The following BICDL1 variants were observed in gnomAD, a reference collection of about 807,000 sequenced individuals.
BICDL1 encodes the protein BICD family-like cargo adapter 1.
Under a neutral mutation model 76.8 loss-of-function variants are expected in BICDL1, and 20 were observed. That is an observed-to-expected ratio of 0.26 (90% CI 0.18 to 0.38). The LOEUF (loss-of-function observed/expected upper bound fraction) is 0.38. BICDL1 is among the 10% of genes least tolerant of loss of function. BICDL1 has a pLI of 1.00. For synonymous variants in BICDL1, 383 were observed against 337.1 expected (o/e 1.14, Z -1.49); for missense variants, 700 against 798.6 (o/e 0.88, Z 1.49).
At chr12:120,082,915 C>CT (rs1441357529) in intron 8 of BICDL1, among the ~76,000 whole-genome samples, 1 of 152,028 alleles carries the variant, frequency 6.6e-6, no homozygotes, top group Non-Finnish European at 1.5e-5. Flanking sequence ...AATTCTCACT[C>CT]TGTCACCCAT....
rs117785561 is a variant in BICDL1, at chr12:120,021,010, G to A, written c.645+22274G>A. ...TTTTACAAAAAAAAACACTGGTCTC[G>A]TGGTGTCTACACCTGTAATCCCAAC... On this transcript the variant is annotated intron_variant, in intron 2 of 9. Coordinates refer to ENST00000548673, the MANE Select transcript of BICDL1 (RefSeq NM_001367886.1). Among the ~76,000 whole-genome samples, 3 of 152,252 alleles carry A rather than the reference G, an allele frequency of 2.0e-5. No individual in the cohort carries two copies. In the East Asian group the frequency reaches 5.8e-4, roughly 29 times the overall value.
intron 3 of BICDL1, among the ~76,000 whole-genome samples, chr12:120,062,859 C>A (rs1416512285): frequency 2.0e-5 from 3 of 152,216 alleles, no homozygotes; most frequent in East Asian, 3.9e-4. Context: ...GCCTCTGACT[C>A]CTTCACGTTT....
chr12:120,019,329 ATTTC>A (rs1952133088), intron 2 of BICDL1: 1 of 151,924 alleles, frequency 6.6e-6, no homozygotes, highest in African/African-American at 2.4e-5. Flanking sequence ...ATTTATTTAT[ATTTC>A]TTTTTATCCT....
At chr12:120,039,211 C>T (rs1028308122) in intron 2 of BICDL1, among the ~76,000 whole-genome samples, 4 of 151,898 alleles carry the variant, frequency 2.6e-5, no homozygotes, top group African/African-American at 9.7e-5. Flanking sequence ...GCAGGAGAAT[C>T]GCTTGAACCT....
intron 1 of BICDL1, 95 bp from the exon 2 acceptor site, chr12:119,998,426 G>A: frequency 9.3e-7 from 1 of 1,075,598 alleles, no homozygotes; most frequent in Non-Finnish European, 1.3e-6. Flanking sequence ...TGTGTCTACT[G>A]ACTAGGAAAA....
At chr12:120,069,963 T>C (rs1415241574) in intron 4 of BICDL1, among the ~76,000 whole-genome samples, 1 of 152,250 alleles carries the variant, frequency 6.6e-6, no homozygotes, top group Admixed American at 6.5e-5. Context: ...AATTTAACCA[T>C]GTTGTGGCAT....
At chr12:120,084,890 CAAA>C (rs1241742796) in intron 8 of BICDL1, among the ~76,000 whole-genome samples, 4 of 124,366 alleles carry the variant, frequency 3.2e-5, no homozygotes, top group Non-Finnish European at 5.2e-5. Flanking sequence ...GACTCTGTCT[CAAA>C]AAAAAAAAAA....
In BICDL1 at chr12:120,080,922, A is replaced by G. The variant is rs1192889698; in HGVS notation, c.1488A>G (p.Lys496=). The change falls in exon 8 of 10, where the codon AAA becomes AAG. Residue 496 remains lysine (K), a synonymous_variant. Transcript: ENST00000548673. ...TLLSVEMTAL[K]EERDRLRVTS... is the part of the protein sequence containing the mutation. Reference sequence around the variant, plus strand: ...TGAGTGTGGAGATGACTGCCCTAAAAGAGGAGAGAGACCGACTCAGAGTCA... The same window carrying G: ...TGAGTGTGGAGATGACTGCCCTAAAGGAGGAGAGAGACCGACTCAGAGTCA... 1 of 1,613,626 alleles carries G rather than the reference A, an allele frequency of 6.2e-7. No individual in the cohort carries two copies. The highest frequency in any genetic ancestry group is 8.5e-7 in the Non-Finnish European group (1 of 1,179,864).
intron 2 of BICDL1, chr12:119,999,803 G>A (rs1468862577): frequency 1.6e-5 from 7 of 445,500 alleles, no homozygotes; most frequent in Admixed American, 1.5e-4. Flanking sequence ...AGCCCTTCTT[G>A]TATATTGAAA....
At chr12:120,076,741 C>T (rs1281357215) in intron 7 of BICDL1, among the ~76,000 whole-genome samples, 2 of 152,222 alleles carry the variant, frequency 1.3e-5, no homozygotes, top group Non-Finnish European at 2.9e-5. Context: ...CTCTCAGCCA[C>T]ACCGCACGTA....
chr12:120,025,525 A>G (rs896599630), intron 2 of BICDL1, among the ~76,000 whole-genome samples: 5 of 151,992 alleles, frequency 3.3e-5, no homozygotes, highest in African/African-American at 1.2e-4. Context: ...AGCTCGCTCA[A>G]CCTGTCCTGC....
rs1875139671 is a variant in BICDL1 at position 120,093,213 on chromosome 12, GGCGGT to G, written c.*55_*59del. The G allele has an allele frequency of 1.3e-6, 2 of 1,547,590 alleles. No individual in the cohort carries two copies. Among genetic ancestry groups the G allele is most frequent in the Non-Finnish European group, 1.7e-6 (2 of 1,144,490 alleles). On this transcript the variant is annotated 3_prime_UTR_variant, in exon 10 of 10. Coordinates refer to ENST00000548673, the MANE Select transcript of BICDL1 (RefSeq NM_001367886.1). Reference sequence around the variant, plus strand: ...TGGGTGGACTGGAGGCAGCTGGAAAGGCGGTGCAGGCAAGGCCTCCCCTGCAGCTT... The same window carrying G: ...TGGGTGGACTGGAGGCAGCTGGAAAGGCAGGCAAGGCCTCCCCTGCAGCTT...
intron 2 of BICDL1, chr12:119,999,748 C>T: frequency 2.3e-6 from 1 of 439,404 alleles, no homozygotes; most frequent in Non-Finnish European, 4.5e-6. Context: ...GTCTATAAAT[C>T]CATCTATTTT....
At chr12:120,059,077 T>G (rs1033514896) in intron 2 of BICDL1, among the ~76,000 whole-genome samples, 13 of 146,938 alleles carry the variant, frequency 8.8e-5, no homozygotes, top group South Asian at 4.3e-4. Flanking sequence ...CCAAAGTTGG[T>G]TTTTTTTTTA....
chr12:119,998,438 G>A lies in BICDL1; in HGVS notation c.430-83G>A, dbSNP rs953767042. ...TATTGTGTCTACTGACTAGGAAAAA[G>A]AAAAGTTGGGACAGCGCGGAGAGAA... On this transcript the variant is annotated intron_variant, in intron 1 of 9. Transcript: ENST00000548673. 3 of 1,277,370 alleles carry A rather than the reference G, an allele frequency of 2.3e-6. No individual in the cohort carries two copies. In the African/African-American group the frequency reaches 4.5e-5, roughly 19 times the overall value. 79.1% of individuals were successfully genotyped at this position (1,277,370 alleles called of 1,614,324 possible).
intron 2 of BICDL1, among the ~76,000 whole-genome samples, chr12:120,010,634 A>G (rs1347191026): frequency 6.6e-6 from 1 of 152,224 alleles, no homozygotes; most frequent in African/African-American, 2.4e-5. Flanking sequence ...TGGATTGTTA[A>G]TCTGGTGGAT....
chr12:120,041,842 C>A (rs570203054), intron 2 of BICDL1, among the ~76,000 whole-genome samples: 6 of 152,024 alleles, frequency 3.9e-5, no homozygotes, highest in African/African-American at 7.3e-5. Flanking sequence ...GAGAATGCAG[C>A]GGAGAAAAGA....
chr12:120,020,228 C>A (rs921959364), intron 2 of BICDL1, among the ~76,000 whole-genome samples: 2 of 152,174 alleles, frequency 1.3e-5, no homozygotes, highest in African/African-American at 2.4e-5. Context: ...CTATTAAAAT[C>A]TAATGGAATA....
rs1951470039 is a variant in BICDL1 at position 119,989,682 on chromosome 12, C to T, written c.-187C>T. Among the ~76,000 whole-genome samples, 1 of 146,318 alleles carries T rather than the reference C, an allele frequency of 6.8e-6. No homozygotes were observed. The highest frequency in any genetic ancestry group is 2.5e-5 in the African/African-American group (1 of 40,616). On this transcript the variant is annotated 5_prime_UTR_variant, in exon 1 of 10. Coordinates refer to ENST00000548673, the MANE Select transcript of BICDL1 (RefSeq NM_001367886.1). ...GAGCCCGGGGGCGGGGGAGGGGGCG[C>T]GTGCCGCCGGCGCGGGGGAGGGGCG...
Sources: gnomAD v4.1 joint callset for allele counts (sites outside exome capture counted in the v4.1 genomes callset) on GRCh38, gnomAD v4.1.1 for gene constraint, MANE v1.5 for transcripts, NCBI Gene and HGNC (gene_info 2026-07-23, HGNC 2026-07-21) for gene names.